Variants in COL5A2 observed in about 807,000 individuals in gnomAD.
The protein encoded by COL5A2 is collagen alpha-2(V) chain.
A neutral mutation model predicts 208.2 loss-of-function variants in COL5A2; 23 were observed. That is an observed-to-expected ratio of 0.11 (90% CI 0.08 to 0.16). COL5A2 has a LOEUF of 0.16. Among genes scored for constraint, COL5A2 ranks in the 10% least tolerant of loss-of-function variants. COL5A2 has a pLI of 1.00. For missense variants in COL5A2, 1,590 were observed against 1,956.4 expected (o/e 0.81, Z 3.53); for synonymous variants, 625 against 628.5 (o/e 0.99, Z 0.08).
At chr2:189,245,750 A>G in the COL5A2 span, among the ~76,000 whole-genome samples, 7 of 152,208 alleles carry the variant, frequency 4.6e-5, no homozygotes, top group South Asian at 2.1e-4. Flanking sequence ...CTGGGGATCT[A>G]TCACATTCTT....
At chr2:189,037,846 A>G (rs1482553451) in intron 51 of COL5A2, among the ~76,000 whole-genome samples, 1 of 152,204 alleles carries the variant, frequency 6.6e-6, no homozygotes, top group African/African-American at 2.4e-5. Flanking sequence ...TAACATTAAG[A>G]CACTTATAGG....
At chr2:189,159,896 A>G (rs1400068372) in intron 1 of COL5A2, among the ~76,000 whole-genome samples, 2 of 151,806 alleles carry the variant, frequency 1.3e-5, no homozygotes, top group African/African-American at 4.8e-5. Context: ...TAATAATAAT[A>G]ATAATTAAAT....
the COL5A2 span, among the ~76,000 whole-genome samples, chr2:189,293,943 C>T: frequency 6.6e-6 from 1 of 152,054 alleles, no homozygotes; most frequent in Non-Finnish European, 1.5e-5. Flanking sequence ...AAAAAATTAG[C>T]CGGGCATGGT....
chr2:189,292,517 T>C, the COL5A2 span, among the ~76,000 whole-genome samples: 1 of 152,168 alleles, frequency 6.6e-6, no homozygotes, highest in Non-Finnish European at 1.5e-5. Flanking sequence ...TCACCATCAC[T>C]GGCCATCAGA....
the COL5A2 span, among the ~76,000 whole-genome samples, chr2:189,319,564 A>C: frequency 6.6e-6 from 1 of 152,168 alleles, no homozygotes; most frequent in African/African-American, 2.4e-5. Context: ...AGCCTTGCTC[A>C]TTGCTAGCAT....
At chr2:189,101,855 G>A (rs1040032794) in intron 3 of COL5A2, among the ~76,000 whole-genome samples, 1 of 151,918 alleles carries the variant, frequency 6.6e-6, no homozygotes, top group Non-Finnish European at 1.5e-5. Flanking sequence ...AAACACTAGG[G>A]ACTAATAGCC....
the COL5A2 span, among the ~76,000 whole-genome samples, chr2:189,431,741 G>A: frequency 6.6e-6 from 1 of 152,130 alleles, no homozygotes; most frequent in Non-Finnish European, 1.5e-5. Context: ...TGAAAGTGAT[G>A]GGGAGAATGG....
At chr2:189,220,857 T>C (rs568446750) in intron 1 of COL5A2, among the ~76,000 whole-genome samples, 13 of 152,330 alleles carry the variant, frequency 8.5e-5, no homozygotes, top group African/African-American at 2.6e-4. Flanking sequence ...CTGATCATTT[T>C]TTATAGCACT....
At chr2:189,235,030 T>A in the COL5A2 span, among the ~76,000 whole-genome samples, 24 of 151,890 alleles carry the variant, frequency 1.6e-4, no homozygotes, top group South Asian at 5.0e-3. Context: ...TTTATTATAC[T>A]GAGAATTCTA....
At chr2:189,259,402 C>T in the COL5A2 span, among the ~76,000 whole-genome samples, 44 of 152,026 alleles carry the variant, frequency 2.9e-4, no homozygotes, top group African/African-American at 1.0e-3. Flanking sequence ...CTATGGTAAC[C>T]ATATAACATC....
At chr2:189,173,609 A>G (rs986137388) in intron 1 of COL5A2, among the ~76,000 whole-genome samples, 2 of 152,180 alleles carry the variant, frequency 1.3e-5, no homozygotes, top group South Asian at 4.1e-4. Flanking sequence ...TAAATTTAAG[A>G]AAACTAGATT....
At chr2:189,326,957 G>C in the COL5A2 span, among the ~76,000 whole-genome samples, 3 of 151,532 alleles carry the variant, frequency 2.0e-5, no homozygotes, top group East Asian at 3.9e-4. Context: ...TGTAATCCCA[G>C]ATACTCGGCA....
intron 8 of COL5A2, 107 bp downstream of exon 8, chr2:189,088,588 T>C: frequency 1.2e-6 from 1 of 826,862 alleles, no homozygotes; most frequent in Non-Finnish European, 2.1e-6. Context: ...TGTACGACTG[T>C]GTTTAAGAAG....
intron 51 of COL5A2, 22 bp downstream of exon 51, chr2:189,039,250 A>T: frequency 6.2e-7 from 1 of 1,613,280 alleles, no homozygotes. Context: ...GGTTTTGCTC[A>T]AATGGGCTGC....
intron 17 of COL5A2, 106 bp from the exon 18 acceptor site, chr2:189,072,199 C>G: frequency 5.4e-6 from 4 of 737,314 alleles, no homozygotes; most frequent in Non-Finnish European, 7.1e-6. Context: ...ATAAGAATAA[C>G]CTGCCTTTCA....
chr2:189,131,282 AG>A (rs1687709972), intron 1 of COL5A2, among the ~76,000 whole-genome samples: 1 of 152,186 alleles, frequency 6.6e-6, no homozygotes, highest in South Asian at 2.1e-4. Context: ...TTGACAGCTA[AG>A]TGAATTGTAA....
the COL5A2 span, among the ~76,000 whole-genome samples, chr2:189,297,213 C>T: frequency 6.6e-6 from 1 of 151,636 alleles, no homozygotes; most frequent in Non-Finnish European, 1.5e-5. Context: ...TAATTCAATA[C>T]AAGCTACTGC....
chr2:189,280,881 G>A, the COL5A2 span, among the ~76,000 whole-genome samples: 1 of 151,896 alleles, frequency 6.6e-6, no homozygotes, highest in South Asian at 2.1e-4. Flanking sequence ...AGAAAGCACA[G>A]GATTATAGTT....
At chr2:189,277,100 T>G in the COL5A2 span, among the ~76,000 whole-genome samples, 1 of 152,088 alleles carries the variant, frequency 6.6e-6, no homozygotes, top group African/African-American at 2.4e-5. Context: ...ATTTGTGCGA[T>G]GAAGATAATA....
Sources: allele counts gnomAD v4.1 joint callset (sites outside exome capture counted in the v4.1 genomes callset), GRCh38; gene constraint gnomAD v4.1.1; transcripts MANE v1.5; gene names NCBI Gene and HGNC (gene_info 2026-07-23, HGNC 2026-07-21).